Variants in UBE2QL1 observed in about 807,000 individuals in gnomAD.
UBE2QL1 encodes the protein ubiquitin conjugating enzyme E2 QL1.
Under a neutral mutation model 12.6 loss-of-function variants are expected in UBE2QL1, and 5 were observed. The observed-to-expected ratio is 0.40, with a 90% CI of 0.21 to 0.83. UBE2QL1 has a LOEUF of 0.83. Ranked by LOEUF, UBE2QL1 falls within the 40% of genes least tolerant of loss-of-function variation. The pLI is 0.37. For missense variants in UBE2QL1, 99 were observed against 222.6 expected (o/e 0.44, Z 3.53); for synonymous variants, 96 against 94.5 (o/e 1.02, Z -0.10).
rs1376291393 is a variant in UBE2QL1 at position 6,479,664 on chromosome 5, G to T, written c.355-11554G>T. On this transcript the variant is annotated intron_variant, in intron 1 of 1. Transcript: ENST00000399816. This position sits in a 1 kb window ranked among gnomAD's most constrained non-coding sequence, Gnocchi z 4.2. ...CACAAGGAGAAAACACAGACCGGGG[G>T]TCTCCTTTGTGCTGAGTAAGTGTTT... Among the ~76,000 whole-genome samples the T allele has an allele frequency of 6.6e-6, 1 of 152,232 alleles. No homozygotes were observed. Among genetic ancestry groups the T allele is most frequent in the Non-Finnish European group, 1.5e-5 (1 of 68,046 alleles).
At chr5:6,465,647 T>G (rs959003453) in intron 1 of UBE2QL1, among the ~76,000 whole-genome samples, 1 of 152,028 alleles carries the variant, frequency 6.6e-6, no homozygotes, top group South Asian at 2.1e-4. Context: ...CGGGTGCCCC[T>G]CTCCGCCCCC....
At chr5:6,450,536 A>G (rs1739394255) in intron 1 of UBE2QL1, among the ~76,000 whole-genome samples, 1 of 152,236 alleles carries the variant, frequency 6.6e-6, no homozygotes, top group Admixed American at 6.5e-5. Flanking sequence ...TTTCTTTAAA[A>G]GACCCCAAAT....
rs1579298956 is a variant in UBE2QL1, at chr5:6,479,375, T to G, written c.355-11843T>G. 6.6e-6 allele frequency among the ~76,000 whole-genome samples: 1 copy of G among 152,112 alleles called. No homozygotes were observed. Among genetic ancestry groups the G allele is most frequent in the Non-Finnish European group, 1.5e-5 (1 of 68,016 alleles). On this transcript the variant is annotated intron_variant, in intron 1 of 1. Transcript: ENST00000399816. The surrounding 1 kb of genome is among the most constrained non-coding windows in gnomAD (Gnocchi z 4.2). The stretch of plus-strand genomic sequence containing the variant: ...AAGTTGGGTAGGAGAACACCATTGT[T>G]TCTTGCAGGTCACTCACTGAGCGTA...
chr5:6,489,431 A>AAAAG (rs1553989720), intron 1 of UBE2QL1, among the ~76,000 whole-genome samples: 9 of 151,200 alleles, frequency 6.0e-5, no homozygotes, highest in African/African-American at 2.0e-4. Context: ...CTGTAAAAAA[A>AAAAG]AAAAAGAAAA....
rs1299786912 is a variant in UBE2QL1 at position 6,479,724 on chromosome 5, G to A, written c.355-11494G>A. Among the ~76,000 whole-genome samples the A allele has an allele frequency of 1.3e-5, 2 of 152,094 alleles. No individual in the cohort carries two copies. The highest frequency in any genetic ancestry group is 1.9e-4 in the East Asian group (1 of 5,186). On this transcript the variant is annotated intron_variant, in intron 1 of 1. Transcript: ENST00000399816. This position sits in a 1 kb window ranked among gnomAD's most constrained non-coding sequence, Gnocchi z 4.2. Reference sequence around the variant, plus strand: ...GAGTGGAGTGCAGCATCCTGGGTGCGGCCCAAGAAAAGCAGCTTCCTTTTG... The same window carrying A: ...GAGTGGAGTGCAGCATCCTGGGTGCAGCCCAAGAAAAGCAGCTTCCTTTTG...
chr5:6,470,270 T>C (rs1463632938), intron 1 of UBE2QL1, among the ~76,000 whole-genome samples: 2 of 152,226 alleles, frequency 1.3e-5, no homozygotes, highest in Admixed American at 1.3e-4. Flanking sequence ...ATGATTGCTC[T>C]TACTATTACT....
chr5:6,466,509 G>A (rs1343279211), intron 1 of UBE2QL1, among the ~76,000 whole-genome samples: 1 of 152,234 alleles, frequency 6.6e-6, no homozygotes, highest in African/African-American at 2.4e-5. Flanking sequence ...GCCCCTGGCG[G>A]GCAGCAACAT....
chr5:6,452,538 A>G (rs1245700181), intron 1 of UBE2QL1, among the ~76,000 whole-genome samples: 1 of 152,172 alleles, frequency 6.6e-6, no homozygotes, highest in Non-Finnish European at 1.5e-5. Flanking sequence ...CTTTTAGATA[A>G]TTATTTGCAT....
At position 6,496,126 on chromosome 5, in the gene UBE2QL1, G is replaced by A. The variant is rs995824552; in HGVS notation, c.*4777G>A. Among the ~76,000 whole-genome samples, 2 of 152,138 alleles carry A rather than the reference G, an allele frequency of 1.3e-5. No homozygotes were observed. The highest frequency in any genetic ancestry group is 2.9e-5 in the Non-Finnish European group (2 of 68,022). On this transcript the variant is annotated 3_prime_UTR_variant, in exon 2 of 2. Coordinates refer to ENST00000399816, the MANE Select transcript of UBE2QL1 (RefSeq NM_001145161.3). The stretch of plus-strand genomic sequence containing the variant: ...GGTCAGGTGCGAGGCCGTCCTCCCA[G>A]GTCAGTAAGGCCGCATGGAGGGATA...
At chr5:6,487,728 A>T (rs1406562173) in intron 1 of UBE2QL1, among the ~76,000 whole-genome samples, 1 of 152,278 alleles carries the variant, frequency 6.6e-6, no homozygotes, top group Non-Finnish European at 1.5e-5. Flanking sequence ...CAAATGCATT[A>T]TCTTACTGGA....
chr5:6,464,310 T>C (rs1739737965), intron 1 of UBE2QL1, among the ~76,000 whole-genome samples: 1 of 152,156 alleles, frequency 6.6e-6, no homozygotes. Context: ...GTAGGAACAA[T>C]GAAACTACAA....
chr5:6,486,994 C>T (rs949086700), intron 1 of UBE2QL1, among the ~76,000 whole-genome samples: 1 of 152,220 alleles, frequency 6.6e-6, no homozygotes, highest in Non-Finnish European at 1.5e-5. Flanking sequence ...GTCCCAACAG[C>T]TGCAACATGC....
rs1734572258 is a variant in UBE2QL1, at chr5:6,491,642, G to A, written c.*293G>A. On this transcript the variant is annotated 3_prime_UTR_variant, in exon 2 of 2. Transcript: ENST00000399816. ...GCCTGCCTGCCCCTCTGCCCACCCC[G>A]GTCACATTGCCCTGAGCTTCTTTCC... The A allele has an allele frequency of 4.5e-6, 1 of 224,636 alleles. No individual in the cohort carries two copies. 13.9% of individuals were successfully genotyped at this position (224,636 alleles called of 1,614,324 possible). A position where few individuals can be genotyped will look rare whatever the true frequency, so the allele number is the denominator to read the frequency against.
In UBE2QL1 at chr5:6,494,483, AG is replaced by A. The variant is rs1248475983; in HGVS notation, c.*3135del. The A allele has an allele frequency of 6.6e-6, 1 of 152,178 alleles. No individual in the cohort carries two copies. The highest frequency in any genetic ancestry group is 1.5e-5 in the Non-Finnish European group (1 of 68,032). The allele number at this position is 152,178 out of a possible 1,614,324, so 9.4% of individuals were successfully genotyped here. On this transcript the variant is annotated 3_prime_UTR_variant, in exon 2 of 2. Transcript: ENST00000399816. Reference sequence around the variant, plus strand: ...AAAGACCTAGGATTGAAAGACAAAAAGCCATGTGTCCATGTAACCCTGGCCA... The same window carrying A: ...AAAGACCTAGGATTGAAAGACAAAAACCATGTGTCCATGTAACCCTGGCCA...
rs567899239 is a variant in UBE2QL1 at position 6,458,009 on chromosome 5, C to T, written c.354+8762C>T. On this transcript the variant is annotated intron_variant, in intron 1 of 1. Coordinates refer to ENST00000399816, the MANE Select transcript of UBE2QL1 (RefSeq NM_001145161.3). Reference sequence around the variant, plus strand: ...GCTCCTTGTATTGATTGAGCAAAATCGATGAATGTGTTAATTGCTTCAAAC... The same window carrying T: ...GCTCCTTGTATTGATTGAGCAAAATTGATGAATGTGTTAATTGCTTCAAAC... Among the ~76,000 whole-genome samples, 4 of 152,232 alleles carry T rather than the reference C, an allele frequency of 2.6e-5. No homozygotes were observed. The East Asian group carries it at 7.7e-4, about 29-fold the overall frequency.
At position 6,493,228 on chromosome 5, in the gene UBE2QL1, T is replaced by C. The variant is rs1734610924; in HGVS notation, c.*1879T>C. ...ATTCTCCATCCTGGAAACCTGACAT[T>C]TGGCTGACGGTCTTTGGACCCTGGA... On this transcript the variant is annotated 3_prime_UTR_variant, in exon 2 of 2. Transcript: ENST00000399816. 1 of 152,198 alleles carries C rather than the reference T, an allele frequency of 6.6e-6. No individual in the cohort carries two copies. Among genetic ancestry groups the C allele is most frequent in the African/African-American group, 2.4e-5 (1 of 41,448 alleles). The allele number at this position is 152,198 out of a possible 1,614,324, so 9.4% of individuals were successfully genotyped here.
chr5:6,490,180 C>A (rs767124457), intron 1 of UBE2QL1, among the ~76,000 whole-genome samples: 1 of 152,148 alleles, frequency 6.6e-6, no homozygotes, highest in Non-Finnish European at 1.5e-5. Flanking sequence ...TTCAGTTGAT[C>A]CACCATTAAG....
chr5:6,479,722 G>A lies in UBE2QL1; in HGVS notation c.355-11496G>A, dbSNP rs1734320607. ...GAGAGTGGAGTGCAGCATCCTGGGT[G>A]CGGCCCAAGAAAAGCAGCTTCCTTT... is the stretch of plus-strand genomic sequence containing the variant. On this transcript the variant is annotated intron_variant, in intron 1 of 1. Coordinates refer to ENST00000399816, the MANE Select transcript of UBE2QL1 (RefSeq NM_001145161.3). This position sits in a 1 kb window ranked among gnomAD's most constrained non-coding sequence, Gnocchi z 4.2. Among the ~76,000 whole-genome samples, 1 of 152,164 alleles carries A rather than the reference G, an allele frequency of 6.6e-6. No individual in the cohort carries two copies. Among genetic ancestry groups the A allele is most frequent in the Non-Finnish European group, 1.5e-5 (1 of 68,034 alleles).
Position 6,493,484 on chromosome 5 carries a change from G to A in UBE2QL1, c.*2135G>A, listed in dbSNP as rs1480965309. On this transcript the variant is annotated 3_prime_UTR_variant, in exon 2 of 2. Coordinates refer to ENST00000399816, the MANE Select transcript of UBE2QL1 (RefSeq NM_001145161.3). The stretch of plus-strand genomic sequence containing the variant: ...GGTGCTCTCTGAGAACTGCACCAAG[G>A]GGTGCAGCCAAGAGACTGGTCTGAC... The A allele has an allele frequency of 6.6e-6, 1 of 152,142 alleles. No homozygotes were observed. Among genetic ancestry groups the A allele is most frequent in the Non-Finnish European group, 1.5e-5 (1 of 68,036 alleles). 9.4% of individuals were successfully genotyped at this position (152,142 alleles called of 1,614,324 possible). A position where few individuals can be genotyped will look rare whatever the true frequency, so the allele number is the denominator to read the frequency against.
Sources: allele counts gnomAD v4.1 joint callset (sites outside exome capture counted in the v4.1 genomes callset), GRCh38; gene constraint gnomAD v4.1.1; non-coding constraint Gnocchi (gnomAD v3.1); transcripts MANE v1.5; gene names NCBI Gene and HGNC (gene_info 2026-07-23, HGNC 2026-07-21).